TRIOBP: variants seen among roughly 807,000 people sequenced by gnomAD.
TRIOBP encodes TRIO and F-actin-binding protein.
A neutral mutation model predicts 238.8 loss-of-function variants in TRIOBP; 169 were observed. The ratio of observed to expected loss-of-function variants is 0.71; its 90% CI spans 0.62 to 0.80. The LOEUF (loss-of-function observed/expected upper bound fraction) is 0.80, where lower values mean the gene tolerates loss of function less well. TRIOBP is among the 30% of genes least tolerant of loss of function. The pLI, the probability that TRIOBP is intolerant of heterozygous loss-of-function variation, is 0.00. For missense variants in TRIOBP, 2,838 were observed against 3,122.6 expected (o/e 0.91, Z 2.17); for synonymous variants, 1,150 against 1,274.4 (o/e 0.90, Z 2.08).
At chr22:37,739,529 G>A (rs371550738) in intron 10 of TRIOBP, among the ~76,000 whole-genome samples, 6 of 152,138 alleles carry the variant, frequency 3.9e-5, no homozygotes, top group East Asian at 1.9e-4. Flanking sequence ...CAGGGGAGTC[G>A]TCCCAGGTTA....
intron 3 of TRIOBP, among the ~76,000 whole-genome samples, chr22:37,702,188 AG>A (rs1367376002): frequency 1.7e-5 from 1 of 59,022 alleles, no homozygotes; most frequent in Non-Finnish European, 5.1e-5. Flanking sequence ...CTAACTTGAG[AG>A]TGTTTTCTTT....
rs768976041 is a variant in TRIOBP at position 37,725,022 on chromosome 22, C to G, written c.2466C>G (p.Asn822Lys). 2.5e-6 allele frequency: 4 copies of G among 1,613,980 alleles called. No individual in the cohort carries two copies. The highest frequency in any genetic ancestry group is 4.5e-5 in the East Asian group (2 of 44,904). The part of the protein sequence containing the change: ...QDNPRTCIQQ[N>K]IPRSSSTQQD... The stretch of plus-strand genomic sequence containing the variant: ...ACCCCAGAACTTGTATTCAACAGAA[C>G]ATCCCCAGATCATCTTCTACCCAAC... Residue 822 changes from asparagine to lysine, a missense_variant, in exon 7 of 24, where the codon AAC becomes AAG. Transcript: ENST00000644935.
At chr22:37,753,409 G>T (rs1925734107) in intron 12 of TRIOBP, among the ~76,000 whole-genome samples, 1 of 152,156 alleles carries the variant, frequency 6.6e-6, no homozygotes, top group Non-Finnish European at 1.5e-5. Flanking sequence ...CGAGTAGCCG[G>T]GATTACAGGC....
chr22:37,753,699 C>G (rs1708597820), intron 12 of TRIOBP, among the ~76,000 whole-genome samples: 2 of 152,232 alleles, frequency 1.3e-5, no homozygotes, highest in South Asian at 4.1e-4. Flanking sequence ...CTCCTTTTCT[C>G]AGGGAGGCAA....
chr22:37,702,511 T>A (rs1922705706), intron 3 of TRIOBP, among the ~76,000 whole-genome samples: 1 of 151,820 alleles, frequency 6.6e-6, no homozygotes, highest in Admixed American at 6.6e-5. Context: ...GCCTCGAGAG[T>A]GTTTTCTATG....
chr22:37,707,135 G>T (rs1407738741), intron 3 of TRIOBP, among the ~76,000 whole-genome samples: 3 of 152,104 alleles, frequency 2.0e-5, no homozygotes, highest in Non-Finnish European at 2.9e-5. Context: ...AATTAACAGG[G>T]TGTGGTGGCG....
In TRIOBP at chr22:37,723,288, C is replaced by G. The variant is rs1362976718; in HGVS notation, c.732C>G (p.Ser244=). Residue 244 remains serine (S), a synonymous_variant, in exon 7 of 24, where the codon TCC becomes TCG. Transcript: ENST00000644935. ...ERHRSTLTQA[S]SMTPHSGPRS... is the part of the protein sequence containing the mutation. ...ACCGGTCAACACTGACCCAGGCTTC[C>G]TCCATGACACCACACAGTGGACCTC... is the stretch of plus-strand genomic sequence containing the variant. 2 of 1,614,124 alleles carry G rather than the reference C, an allele frequency of 1.2e-6. No individual in the cohort carries two copies. The highest frequency in any genetic ancestry group is 1.7e-5 in the Admixed American group (1 of 60,020).
At position 37,755,656 on chromosome 22, in the gene TRIOBP, C is replaced by T. The variant is rs1925881445; in HGVS notation, c.5684C>T (p.Thr1895Ile). 1.2e-6 allele frequency: 2 copies of T among 1,613,868 alleles called. No individual in the cohort carries two copies. Among genetic ancestry groups the T allele is most frequent in the Non-Finnish European group, 1.7e-6 (2 of 1,179,988 alleles). Residue 1895 changes from threonine (T) to isoleucine (I), a missense_variant, in exon 15 of 24, where the codon ACC (threonine) becomes ATC (isoleucine). Physicochemically the swap from Thr to Ile is moderately conservative, Grantham distance 89. Transcript: ENST00000644935. ...CGTCCAACTTCAGCCCCAGATGTCA[C>T]CAAGTACGTACTAAGCTGGACTGGG... ...TVRPTSAPDV[T>I]KLSDSNKENA...
chr22:37,723,636 G>C lies in TRIOBP; in HGVS notation c.1080G>C (p.Gln360His). ...QLDNPRTSST[Q>H]QDNPQTSFPT... ...ATAACCCCAGAACCTCTTCTACCCAGCAGGACAACCCCCAAACTTCTTTTC... is the reference window on the plus strand; with the variant it reads ...ATAACCCCAGAACCTCTTCTACCCACCAGGACAACCCCCAAACTTCTTTTC... Residue 360 changes from glutamine to histidine, a missense_variant, in exon 7 of 24, where the codon CAG (glutamine) becomes CAC (histidine). By Grantham distance (24) the Gln-to-His change is conservative. Transcript: ENST00000644935. The C allele has an allele frequency of 6.2e-7, 1 of 1,613,958 alleles. No homozygotes were observed. The highest frequency in any genetic ancestry group is 8.5e-7 in the Non-Finnish European group (1 of 1,180,010).
intron 13 of TRIOBP, 33 bp from the exon 14 acceptor site, chr22:37,755,068 C>G: frequency 6.2e-7 from 1 of 1,611,630 alleles, no homozygotes; most frequent in Non-Finnish European, 8.5e-7. Flanking sequence ...ACACCAGGGC[C>G]CACACGGACC....
chr22:37,708,316 C>G (rs1036211262), intron 3 of TRIOBP, among the ~76,000 whole-genome samples: 1 of 151,740 alleles, frequency 6.6e-6, no homozygotes, highest in Non-Finnish European at 1.5e-5. Context: ...GCACTTTGGC[C>G]GAGGCAGGCA....
chr22:37,730,690 C>T (rs966019616), intron 7 of TRIOBP, among the ~76,000 whole-genome samples: 1 of 152,062 alleles, frequency 6.6e-6, no homozygotes, highest in African/African-American at 2.4e-5. Flanking sequence ...GCTTGTAATG[C>T]CAAGACTTTG....
rs1924263506 is a variant in TRIOBP, at chr22:37,728,123, A to G, written c.3947+1620A>G. Among the ~76,000 whole-genome samples, 3 of 152,220 alleles carry G rather than the reference A, an allele frequency of 2.0e-5. No homozygotes were observed. The South Asian group carries it at 6.2e-4, about 32-fold the overall frequency. On this transcript the variant is annotated intron_variant, in intron 7 of 23. Transcript: ENST00000644935. ...GCTCCTTGGGAAAGTTTTCTCCTGG[A>G]TTTGAATCTGCATGAGAAACCTTAT...
intron 3 of TRIOBP, among the ~76,000 whole-genome samples, chr22:37,703,320 G>A (rs1199378661): frequency 1.3e-5 from 2 of 151,622 alleles, no homozygotes; most frequent in Admixed American, 6.6e-5. Context: ...AGTTATTGAA[G>A]GAGTGAAGAA....
chr22:37,704,380 C>CACAGAACAGAACAGAACAGAACAGA (rs1569031477), intron 3 of TRIOBP, among the ~76,000 whole-genome samples: 1 of 133,878 alleles, frequency 7.5e-6, no homozygotes, highest in Admixed American at 7.8e-5. Context: ...TGGACCCTGA[C>CACAGAACAGAACAGAACAGAACAGA]TCAGAACAGA....
Position 37,757,964 on chromosome 22 carries a change from C to G in TRIOBP, c.6039C>G (p.Pro2013=), listed in dbSNP as rs876657596. 50 of 1,572,510 alleles carry G rather than the reference C, an allele frequency of 3.2e-5. No homozygotes were observed. Among genetic ancestry groups the G allele is most frequent in the Admixed American group, 3.8e-5 (2 of 53,134 alleles). The change falls in exon 16 of 24, where the codon CCC becomes CCG. Residue 2013 remains proline, a synonymous_variant. Coordinates refer to ENST00000644935, the MANE Select transcript of TRIOBP (RefSeq NM_001039141.3). ...GEGPRRGLGA[P]LTEDQQNRLS... is the part of the protein sequence containing the mutation. ...GGCCGCGCCGGGGCCTGGGTGCCCC[C>G]CTGACTGAGGACCAGCAAAACCGGC...
chr22:37,725,759 G>A lies in TRIOBP; in HGVS notation c.3203G>A (p.Arg1068Gln), dbSNP rs554629664. 4.3e-5 allele frequency: 69 copies of A among 1,611,284 alleles called. No individual in the cohort carries two copies. Among genetic ancestry groups the A allele is most frequent in the South Asian group, 3.2e-4 (29 of 90,952 alleles). Residue 1068 changes from arginine to glutamine, a missense_variant, in exon 7 of 24, where the codon CGA becomes CAA. Coordinates refer to ENST00000644935, the MANE Select transcript of TRIOBP (RefSeq NM_001039141.3). ...YIPPAVCIGH[R>Q]DAPRASSPPR... ...CCACCTGCTGTGTGCATTGGACACC[G>A]AGATGCCCCCCGGGCGTCCTCGCCC...
chr22:37,768,172 C>T lies in TRIOBP; in HGVS notation c.6571C>T (p.His2191Tyr), dbSNP rs61729063. The T allele has an allele frequency of 1.1e-3, 1,745 of 1,611,352 alleles. 15 individuals carry two copies. The African/African-American group carries it at 0.019, about 18-fold the overall frequency. Residue 2191 changes from histidine to tyrosine, a missense_variant, in exon 19 of 24, where the codon CAC (histidine) becomes TAC (tyrosine). Around this residue, in one of 5 missense-constraint regions of TRIOBP, gnomAD observed 2,096 missense variants for 2,137.4 expected, o/e 0.98. Coordinates refer to ENST00000644935, the MANE Select transcript of TRIOBP (RefSeq NM_001039141.3). ...QQGPDGLRKQ[H>Y]QSDVEALKRE... ...GGGCCCGGATGGCCTCCGGAAGCAG[C>T]ACCAGTAAGATGATGCCGGGGCCCA...
At chr22:37,732,176 G>A (rs1924456954) in intron 7 of TRIOBP, among the ~76,000 whole-genome samples, 1 of 152,160 alleles carries the variant, frequency 6.6e-6, no homozygotes, top group Non-Finnish European at 1.5e-5. Flanking sequence ...GGAGAGATAT[G>A]CCCAGGTTCT....
Sources: allele counts gnomAD v4.1 joint callset (sites outside exome capture counted in the v4.1 genomes callset), GRCh38; gene constraint gnomAD v4.1.1; regional missense constraint gnomAD v4.1.1; transcripts MANE v1.5; gene names NCBI Gene and HGNC (gene_info 2026-07-23, HGNC 2026-07-21).